PLEKHM2: variants seen among roughly 807,000 people sequenced by gnomAD.
The protein encoded by PLEKHM2 is pleckstrin homology and RUN domain containing M2, also known as pleckstrin homology domain-containing family M member 2.
A neutral mutation model predicts 116.3 loss-of-function variants in PLEKHM2; 77 were observed. The ratio of observed to expected loss-of-function variants is 0.66; its 90% CI spans 0.55 to 0.80. The LOEUF (loss-of-function observed/expected upper bound fraction) is 0.80. Among genes scored for constraint, PLEKHM2 ranks in the 30% least tolerant of loss-of-function variants. PLEKHM2 has a pLI of 0.00. For missense variants in PLEKHM2, 1,183 were observed against 1,354.9 expected (o/e 0.87, Z 1.99); for synonymous variants, 562 against 571.0 (o/e 0.98, Z 0.22).
chr1:15,694,415 C>A (rs1016122863), intron 1 of PLEKHM2, among the ~76,000 whole-genome samples: 1 of 152,018 alleles, frequency 6.6e-6, no homozygotes, highest in Non-Finnish European at 1.5e-5. Context: ...GATCTGGGAA[C>A]TGCCATGCAA....
chr1:15,717,013 G>A (rs552258560), intron 3 of PLEKHM2, among the ~76,000 whole-genome samples, 197 bp downstream of exon 3: 10 of 152,330 alleles, frequency 6.6e-5, no homozygotes, highest in Non-Finnish European at 1.3e-4. Flanking sequence ...AGCATTTTGG[G>A]AGGCTGAGGA....
At chr1:15,686,929 C>T (rs1398274236) in intron 1 of PLEKHM2, among the ~76,000 whole-genome samples, 2 of 151,994 alleles carry the variant, frequency 1.3e-5, no homozygotes, top group African/African-American at 4.8e-5. Flanking sequence ...GGATTACAGG[C>T]GTGAGCCACG....
intron 1 of PLEKHM2, among the ~76,000 whole-genome samples, chr1:15,706,689 G>A (rs1013482692): frequency 6.6e-6 from 1 of 152,216 alleles, no homozygotes; most frequent in African/African-American, 2.4e-5. Context: ...TTACAGGCGT[G>A]AGCCACTGTG....
Position 15,716,794 on chromosome 1 carries a change from C to T in PLEKHM2, c.255C>T (p.His85=), listed in dbSNP as rs1641455995. ...TCAAGCAGATCGAGGTGCTGCAGCA[C>T]GTGGCCACCAACCTGGGGCGCAGTG... ...EAIKQIEVLQ[H]VATNLGRSRA... is the part of the protein sequence containing the mutation. Residue 85 remains histidine (H), a synonymous_variant, in exon 3 of 20, where the codon CAC becomes CAT. Transcript: ENST00000375799. 2.5e-6 allele frequency: 4 copies of T among 1,568,644 alleles called. No individual in the cohort carries two copies. Among genetic ancestry groups the T allele is most frequent in the African/African-American group, 1.4e-5 (1 of 73,852 alleles).
At chr1:15,697,128 C>T (rs1026649397) in intron 1 of PLEKHM2, among the ~76,000 whole-genome samples, 1 of 152,148 alleles carries the variant, frequency 6.6e-6, no homozygotes, top group African/African-American at 2.4e-5. Flanking sequence ...GCTTTGAAAG[C>T]CTGGTTAAAA....
intron 3 of PLEKHM2, among the ~76,000 whole-genome samples, chr1:15,717,258 T>G (rs61555804): frequency 0.14 from 20,643 of 151,918 alleles, 2,367 homozygotes; most frequent in African/African-American, 0.31. Context: ...TCTAAAGATT[T>G]AGGAAAATGG....
At chr1:15,688,404 C>A (rs1640815306) in intron 1 of PLEKHM2, among the ~76,000 whole-genome samples, 1 of 152,184 alleles carries the variant, frequency 6.6e-6, no homozygotes, top group Non-Finnish European at 1.5e-5. Flanking sequence ...GTAATCCCAG[C>A]ACTTTGGGAG....
At chr1:15,713,630 G>GTT (rs146253570) in intron 1 of PLEKHM2, among the ~76,000 whole-genome samples, 3,753 of 150,664 alleles carry the variant, frequency 0.025, 86 homozygotes, top group Non-Finnish European at 0.037. Flanking sequence ...TTGTTTGTTT[G>GTT]TTTGTTTTTT....
chr1:15,688,120 C>G (rs933203926), intron 1 of PLEKHM2, among the ~76,000 whole-genome samples: 2 of 152,186 alleles, frequency 1.3e-5, no homozygotes, highest in Non-Finnish European at 2.9e-5. Flanking sequence ...CAGAGGGCCC[C>G]TCGTTCCCCT....
rs2148369204 is a variant in PLEKHM2 at position 15,725,543 on chromosome 1, C to G, written c.939C>G (p.Ile313Met). The G allele has an allele frequency of 1.3e-6, 2 of 1,556,774 alleles. No individual in the cohort carries two copies. Among genetic ancestry groups the G allele is most frequent in the Middle Eastern group, 1.8e-4 (1 of 5,586 alleles). The change falls in exon 8 of 20, where the codon ATC becomes ATG. Residue 313 changes from isoleucine (I) to methionine (M), a missense_variant and splice_region_variant. By Grantham distance (10) the Ile-to-Met change is conservative. This residue lies in a region of PLEKHM2 where 372 missense variants were observed against 357.2 expected (regional missense o/e 1.04). Transcript: ENST00000375799. Reference protein sequence around the residue: ...PPDACTELEVIRVTKKKKIGK... With the variant: ...PPDACTELEVMRVTKKKKIGK... The stretch of plus-strand genomic sequence containing the variant: ...ATGCCTGCACGGAGCTCGAGGTCAT[C>G]AGGTCAGCAGGGAGGGGCCCAGAAA...
intron 1 of PLEKHM2, among the ~76,000 whole-genome samples, chr1:15,691,814 C>T (rs888509946): frequency 1.3e-5 from 2 of 151,766 alleles, no homozygotes; most frequent in Admixed American, 6.6e-5. Context: ...TAGCTGGGGG[C>T]GGGGAGGCGA....
Position 15,732,703 on chromosome 1 carries a change from A to C in PLEKHM2, c.2897A>C (p.Asn966Thr), listed in dbSNP as rs149249024. ...CTGGACCGATTGCTGTCTGCACTGA[A>C]CTCTGGGTGGAAAACCATCTATCAG... ...SELDRLLSAL[N>T]SGWKTIYQVD... Residue 966 changes from asparagine (N) to threonine (T), a missense_variant, in exon 19 of 20, where the codon AAC becomes ACC. Asn to Thr is a moderately conservative substitution (Grantham distance 65, BLOSUM62 0). Transcript: ENST00000375799. The C allele has an allele frequency of 7.7e-5, 124 of 1,609,188 alleles. 1 individual carries two copies. In the East Asian group the frequency reaches 2.8e-3, roughly 36 times the overall value.
rs2067964198 is a variant in PLEKHM2 at position 15,719,739 on chromosome 1, C to T, written c.471C>T (p.Ala157=). The change falls in exon 6 of 20, where the codon GCC becomes GCT. Residue 157 remains alanine, a synonymous_variant. Transcript: ENST00000375799. This position sits in a 1 kb window ranked among gnomAD's most constrained non-coding sequence, Gnocchi z 4.1. ...CTCCTCTACTCTCTCCTCAGGATGC[C>T]CCTTACCTAGACCTGGCCCCCTACA... The part of the protein sequence containing the change: ...EFIRFELDLD[A]PYLDLAPYMP... 1 of 1,611,234 alleles carries T rather than the reference C, an allele frequency of 6.2e-7. No individual in the cohort carries two copies. The highest frequency in any genetic ancestry group is 2.2e-5 in the East Asian group (1 of 44,804).
Position 15,725,358 on chromosome 1 carries a change from G to A in PLEKHM2, c.754G>A (p.Ala252Thr), listed in dbSNP as rs551226298. The A allele has an allele frequency of 5.8e-6, 9 of 1,551,484 alleles. No individual in the cohort carries two copies. The East Asian group carries it at 2.0e-4, about 34-fold the overall frequency. Residue 252 changes from alanine (A) to threonine (T), a missense_variant, in exon 8 of 20, where the codon GCC becomes ACC. By Grantham distance (58) the Ala-to-Thr change is moderately conservative (BLOSUM62 0). Around this residue, in one of 3 missense-constraint regions of PLEKHM2, gnomAD observed 372 missense variants for 357.2 expected, o/e 1.04. Coordinates refer to ENST00000375799, the MANE Select transcript of PLEKHM2 (RefSeq NM_015164.4). ...CACGGTCAGTGGTCCCCGCTCCACA[G>A]CCTCCGACCTGACCAGCAGCAAGGC... ...TDTVSGPRST[A>T]SDLTSSKAST...
At chr1:15,723,883 G>T (rs1029299192) in intron 7 of PLEKHM2, among the ~76,000 whole-genome samples, 10 of 152,196 alleles carry the variant, frequency 6.6e-5, no homozygotes, top group African/African-American at 2.4e-4. Context: ...CTTTTCTTCC[G>T]GGCAGACAGC....
chr1:15,694,491 G>A (rs1410283616), intron 1 of PLEKHM2, among the ~76,000 whole-genome samples: 2 of 152,154 alleles, frequency 1.3e-5, no homozygotes, highest in Admixed American at 6.6e-5. Flanking sequence ...CAGCAGGGCC[G>A]GTTGGTTTGG....
At position 15,728,209 on chromosome 1, in the gene PLEKHM2, CG is replaced by C; in HGVS notation, c.1831-57del. The C allele has an allele frequency of 6.2e-7, 1 of 1,603,010 alleles. No homozygotes were observed. Among genetic ancestry groups the C allele is most frequent in the Non-Finnish European group, 8.5e-7 (1 of 1,171,174 alleles). On this transcript the variant is annotated intron_variant, in intron 10 of 19. Transcript: ENST00000375799. This position sits in a 1 kb window ranked among gnomAD's most constrained non-coding sequence, Gnocchi z 5.9. ...GCAAGGGCAAGGCGGGATGGGCCAC[CG>C]CCCCCGCTGGAGCGGCAGGAGCCAC...
chr1:15,729,305 C>T lies in PLEKHM2; in HGVS notation c.2075+115C>T, dbSNP rs2068107496. ...AAAGTGGGAGATCCAGGAGGGGAAACCAGATGTATTCCCTCTGGAACCTGC... is the reference window on the plus strand; with the variant it reads ...AAAGTGGGAGATCCAGGAGGGGAAATCAGATGTATTCCCTCTGGAACCTGC... On this transcript the variant is annotated intron_variant, in intron 13 of 19. Transcript: ENST00000375799. The surrounding 1 kb of genome is among the most constrained non-coding windows in gnomAD (Gnocchi z 4.7). 1.2e-6 allele frequency: 1 copy of T among 827,526 alleles called. No individual in the cohort carries two copies. Among genetic ancestry groups the T allele is most frequent in the Non-Finnish European group, 2.0e-6 (1 of 492,376 alleles). The allele number at this position is 827,526 out of a possible 1,614,324, so 51.3% of individuals were successfully genotyped here.
chr1:15,732,286 G>A, intron 17 of PLEKHM2, 64 bp from the exon 18 acceptor site: 1 of 1,353,576 alleles, frequency 7.4e-7, no homozygotes. Context: ...CCCCTGGAGT[G>A]TGGACTTCTG....
Sources: allele counts gnomAD v4.1 joint callset (sites outside exome capture counted in the v4.1 genomes callset), GRCh38; gene constraint gnomAD v4.1.1; regional missense constraint gnomAD v4.1.1; non-coding constraint Gnocchi (gnomAD v3.1); transcripts MANE v1.5; gene names NCBI Gene and HGNC (gene_info 2026-07-23, HGNC 2026-07-21).